The following PCNX1 variants were observed in gnomAD, a reference collection of about 807,000 sequenced individuals.
The protein encoded by PCNX1 is pecanex 1.
PCNX1 carries 78 observed loss-of-function variants against 242.2 expected under a neutral mutation model. That is an observed-to-expected ratio of 0.32 (90% CI 0.27 to 0.39). The LOEUF (loss-of-function observed/expected upper bound fraction) is 0.39, where lower values mean the gene tolerates loss of function less well. Among genes scored for constraint, PCNX1 ranks in the 10% least tolerant of loss-of-function variants. PCNX1 has a pLI of 1.00. For synonymous variants in PCNX1, 1,024 were observed against 1,032.9 expected, an observed-to-expected ratio of 0.99 and a Z score of 0.17; for missense variants, 2,581 against 2,856.5, an observed-to-expected ratio of 0.90 and a Z score of 2.20.
Position 71,083,381 on chromosome 14 carries a change from GAA to G in PCNX1, c.5338-4948_5338-4947del, listed in dbSNP as rs879366677. ...CTTTGTGGTGTTCTCTGTATTTCCT[GAA>G]TCTGAATGTTGGCCTGTCTTGCTAG... On this transcript the variant is annotated intron_variant, in intron 28 of 35. Transcript: ENST00000304743. 8.9e-3 allele frequency among the ~76,000 whole-genome samples: 1,355 copies of G among 152,222 alleles called. 8 individuals are homozygous for G. Among genetic ancestry groups the G allele is most frequent in the South Asian group, 0.017 (82 of 4,826 alleles).
chr14:70,934,250 A>T (rs763198203), intron 1 of PCNX1, among the ~76,000 whole-genome samples: 1 of 152,198 alleles, frequency 6.6e-6, no homozygotes. Context: ...GAAATTGCGC[A>T]ATTTTTAGTG....
At chr14:71,035,554 G>A (rs1313407863) in intron 18 of PCNX1, among the ~76,000 whole-genome samples, 1 of 151,142 alleles carries the variant, frequency 6.6e-6, no homozygotes, top group Non-Finnish European at 1.5e-5. Context: ...GAGGTCAGGA[G>A]TTCGAGATCA....
At position 71,051,824 on chromosome 14, in the gene PCNX1, G is replaced by C. The variant is rs560895969; in HGVS notation, c.4448-59G>C. 3 of 1,557,782 alleles carry C rather than the reference G, an allele frequency of 1.9e-6. No individual in the cohort carries two copies. The African/African-American group carries it at 4.1e-5, about 21-fold the overall frequency. On this transcript the variant is annotated intron_variant, in intron 23 of 35. Transcript: ENST00000304743. ...AATGTGTCTGCTAGGTTTTTGCGAG[G>C]GTTTGTTTGGCATCTGTGCTCAGAT...
intron 30 of PCNX1, among the ~76,000 whole-genome samples, chr14:71,101,709 TGAAAGA>T (rs2062465882): frequency 6.6e-6 from 1 of 152,000 alleles, no homozygotes; most frequent in Non-Finnish European, 1.5e-5. Flanking sequence ...AAAACCAACT[TGAAAGA>T]GAAAAACAAA....
chr14:71,011,073 GA>G (rs2059808629), intron 9 of PCNX1, among the ~76,000 whole-genome samples: 2 of 152,214 alleles, frequency 1.3e-5, no homozygotes, highest in South Asian at 4.1e-4. Flanking sequence ...CTCAAGTTTT[GA>G]AATCCAAACA....
chr14:70,964,265 A>G (rs565493811), intron 3 of PCNX1, among the ~76,000 whole-genome samples: 1 of 152,132 alleles, frequency 6.6e-6, no homozygotes, highest in South Asian at 2.1e-4. Context: ...GATGGGGTTC[A>G]CCATGTTGTC....
intron 26 of PCNX1, among the ~76,000 whole-genome samples, chr14:71,058,621 T>C (rs988139608): frequency 6.6e-6 from 1 of 152,358 alleles, no homozygotes; most frequent in African/African-American, 2.4e-5. Flanking sequence ...AAGTCAGATC[T>C]ATAACCCCAT....
At chr14:71,082,779 C>T (rs1048115529) in intron 28 of PCNX1, among the ~76,000 whole-genome samples, 3 of 151,980 alleles carry the variant, frequency 2.0e-5, no homozygotes, top group South Asian at 2.1e-4. Flanking sequence ...TACAGCACAC[C>T]GATGAGTCTT....
At chr14:71,015,254 C>T (rs567869542) in intron 11 of PCNX1, among the ~76,000 whole-genome samples, 1 of 152,082 alleles carries the variant, frequency 6.6e-6, no homozygotes, top group Non-Finnish European at 1.5e-5. Flanking sequence ...TAAGTCTACC[C>T]AAAGGAACAA....
At chr14:71,088,266 G>A (rs1365764133) in intron 28 of PCNX1, 64 bp from the exon 29 acceptor site, 7 of 873,074 alleles carry the variant, frequency 8.0e-6, no homozygotes, top group South Asian at 3.1e-5. Context: ...ATATTATTTC[G>A]ATTTATGATT....
intron 2 of PCNX1, among the ~76,000 whole-genome samples, chr14:70,953,664 CTTTTTTTTTTTTT>C (rs33967128): frequency 8.7e-6 from 1 of 114,940 alleles, no homozygotes; most frequent in African/African-American, 3.4e-5. Context: ...TTTTTTCTTT[CTTTTTTTTTTTTT>C]TTTTTTAATG....
chr14:70,966,891 CTT>C (rs1171227155), intron 3 of PCNX1, among the ~76,000 whole-genome samples: 1 of 152,078 alleles, frequency 6.6e-6, no homozygotes, highest in Non-Finnish European at 1.5e-5. Context: ...AAGAATGAAA[CTT>C]TTGCGATAAA....
intron 1 of PCNX1, 90 bp downstream of exon 1, chr14:70,908,093 C>G: frequency 2.3e-6 from 3 of 1,276,786 alleles, no homozygotes; most frequent in Non-Finnish European, 3.1e-6. Flanking sequence ...TCCACGGGGT[C>G]TCGTCCCCCG....
intron 8 of PCNX1, among the ~76,000 whole-genome samples, chr14:70,996,726 GA>G (rs1200147406): frequency 1.3e-5 from 2 of 152,092 alleles, no homozygotes; most frequent in African/African-American, 4.8e-5. Context: ...TAATTCACTT[GA>G]AAGCATTTAC....
chr14:70,931,798 T>A (rs1398116766), intron 1 of PCNX1, among the ~76,000 whole-genome samples: 1 of 152,152 alleles, frequency 6.6e-6, no homozygotes, highest in Non-Finnish European at 1.5e-5. Context: ...CATTCAGAGA[T>A]CTCAGACCAC....
chr14:70,969,030 A>G lies in PCNX1; in HGVS notation c.524A>G (p.Asp175Gly). 3 of 1,599,316 alleles carry G rather than the reference A, an allele frequency of 1.9e-6. No homozygotes were observed. The highest frequency in any genetic ancestry group is 2.6e-6 in the Non-Finnish European group (3 of 1,166,656). Residue 175 changes from aspartate (D) to glycine (G), a missense_variant, in exon 5 of 36, where the codon GAC becomes GGC. Transcript: ENST00000304743. ...TCTCTTAACTTTGTAGGAGATACAG[A>G]CACTGCTAAGACTTCTGATGATATC... ...GTAATIKGDT[D>G]TAKTSDDISL...
At chr14:70,958,310 G>A (rs2058068132) in intron 2 of PCNX1, among the ~76,000 whole-genome samples, 1 of 152,162 alleles carries the variant, frequency 6.6e-6, no homozygotes, top group Non-Finnish European at 1.5e-5. Flanking sequence ...TACGCAAACA[G>A]GGACATTATA....
intron 1 of PCNX1, among the ~76,000 whole-genome samples, chr14:70,912,748 T>C (rs572251826): frequency 3.3e-5 from 5 of 152,336 alleles, no homozygotes; most frequent in Admixed American, 6.5e-5. Context: ...AGAATCTTTA[T>C]TAAGCCACCA....
intron 8 of PCNX1, among the ~76,000 whole-genome samples, chr14:71,009,157 C>T (rs1031166697): frequency 8.5e-5 from 13 of 152,172 alleles, no homozygotes; most frequent in Non-Finnish European, 1.3e-4. Context: ...TTTCCATTCA[C>T]TGACCTTTCT....
Sources: allele counts gnomAD v4.1 joint callset (sites outside exome capture counted in the v4.1 genomes callset), GRCh38; gene constraint gnomAD v4.1.1; transcripts MANE v1.5; gene names NCBI Gene and HGNC (gene_info 2026-07-23, HGNC 2026-07-21).